The following GSDME variants were observed in gnomAD, a reference collection of about 807,000 sequenced individuals.
GSDME encodes gasdermin E.
GSDME carries 44 observed loss-of-function variants against 47.5 expected under a neutral mutation model. That is an observed-to-expected ratio of 0.93 (90% confidence interval 0.73 to 1.19). The LOEUF (loss-of-function observed/expected upper bound fraction) is 1.19. Ranked by LOEUF, GSDME falls within the 50% of genes most tolerant of loss-of-function variation. The probability of loss-of-function intolerance (pLI) is 0.00; values close to 1 mark genes in which losing one functional copy is unlikely to be tolerated. For synonymous variants in GSDME, 258 were observed against 252.8 expected, an observed-to-expected ratio of 1.02 and a Z score of -0.20; for missense variants, 663 against 604.2, an observed-to-expected ratio of 1.10 and a Z score of -1.02.
intron 1 of GSDME, among the ~76,000 whole-genome samples, chr7:24,755,475 CCCCAAATCACCTACTACATG>C (rs1157763748): frequency 6.6e-6 from 1 of 152,208 alleles, no homozygotes; most frequent in Non-Finnish European, 1.5e-5. Flanking sequence ...AGCCCTCTTT[CCCCAAATCACCTACTACATG>C]CCCAAATCCT....
chr7:24,736,782 C>T lies in GSDME; in HGVS notation c.404+7780G>A, dbSNP rs1009605752. On this transcript the variant is annotated intron_variant, in intron 3 of 9. Coordinates refer to ENST00000645220, the MANE Select transcript of GSDME (RefSeq NM_001127453.2). This position sits in a 1 kb window ranked among gnomAD's most constrained non-coding sequence, Gnocchi z 4.6. Reference sequence around the variant, plus strand: ...TTAGGCCACAAAACAAGTTTCAAAACATCCAAAAAATTGAAATAATATAAA... The same window carrying T: ...TTAGGCCACAAAACAAGTTTCAAAATATCCAAAAAATTGAAATAATATAAA... 1.3e-5 allele frequency among the ~76,000 whole-genome samples: 2 copies of T among 152,078 alleles called. No homozygotes were observed. Among genetic ancestry groups the T allele is most frequent in the African/African-American group, 2.4e-5 (1 of 41,428 alleles).
chr7:24,716,944 G>A lies in GSDME; in HGVS notation c.697+310C>T. The A allele has an allele frequency of 2.4e-6, 1 of 413,884 alleles. No homozygotes were observed. Among genetic ancestry groups the A allele is most frequent in the Non-Finnish European group, 4.6e-6 (1 of 217,778 alleles). The allele number at this position is 413,884 out of a possible 1,614,324, so 25.6% of individuals were successfully genotyped here. The stretch of plus-strand genomic sequence containing the variant: ...TGGCACCGGGGTTGATGCCCAGTGT[G>A]TCTGATGCAGAGCCCAGGTTGATGC... On this transcript the variant is annotated intron_variant, in intron 5 of 9. Transcript: ENST00000645220. The surrounding 1 kb of genome is among the most constrained non-coding windows in gnomAD (Gnocchi z 4.5).
rs953598458 is a variant in GSDME, at chr7:24,707,987, G to C, written c.990+140C>G. On this transcript the variant is annotated intron_variant, in intron 7 of 9. Transcript: ENST00000645220. ...AGCTACCTGTCTGCACTTAGAAAAC[G>C]CAGGACCCAAGAGTCAGAAAAGAGA... 13 of 1,058,846 alleles carry C rather than the reference G, an allele frequency of 1.2e-5. No homozygotes were observed. The African/African-American group carries it at 1.9e-4, about 16-fold the overall frequency. 65.6% of individuals were successfully genotyped at this position (1,058,846 alleles called of 1,614,324 possible). A position where few individuals can be genotyped will look rare whatever the true frequency, so the allele number is the denominator to read the frequency against.
the GSDME span, among the ~76,000 whole-genome samples, chr7:24,785,233 T>G: frequency 6.6e-6 from 1 of 152,214 alleles, no homozygotes; most frequent in Non-Finnish European, 1.5e-5. Context: ...CCATGTGGTC[T>G]GCAGAGCCTA....
rs987119446 is a variant in GSDME at position 24,702,282 on chromosome 7, G to C, written c.1257+478C>G. 40 of 234,390 alleles carry C rather than the reference G, an allele frequency of 1.7e-4. 1 individual carries two copies. Among genetic ancestry groups the C allele is most frequent in the African/African-American group, 8.6e-4 (38 of 44,412 alleles). The allele number at this position is 234,390 out of a possible 1,614,324, so 14.5% of individuals were successfully genotyped here. A position where few individuals can be genotyped will look rare whatever the true frequency, so the allele number is the denominator to read the frequency against. ...GCTCTTAGAATGACATTTCCAGAGG[G>C]GGCACCAAGCTAACGATATTCCTGA... On this transcript the variant is annotated intron_variant, in intron 9 of 9. Coordinates refer to ENST00000645220, the MANE Select transcript of GSDME (RefSeq NM_001127453.2).
upstream of GSDME, among the ~76,000 whole-genome samples, chr7:24,761,470 T>C (rs1791164553): frequency 1.3e-5 from 2 of 152,180 alleles, no homozygotes; most frequent in South Asian, 4.1e-4. The surrounding 1 kb of genome is among the most constrained non-coding windows in gnomAD (Gnocchi z 4.4). Context: ...ACAAAACAAG[T>C]CCCTAAGTCT....
chr7:24,779,899 A>C, the GSDME span, among the ~76,000 whole-genome samples: 1 of 152,150 alleles, frequency 6.6e-6, no homozygotes, highest in Non-Finnish European at 1.5e-5. The surrounding 1 kb of genome is among the most constrained non-coding windows in gnomAD (Gnocchi z 6.0). Context: ...CTGCCAGCAC[A>C]TTTCGCCCTC....
chr7:24,736,975 A>C lies in GSDME; in HGVS notation c.404+7587T>G, dbSNP rs1421354678. 6.6e-6 allele frequency among the ~76,000 whole-genome samples: 1 copy of C among 152,182 alleles called. No individual in the cohort carries two copies. The highest frequency in any genetic ancestry group is 1.5e-5 in the Non-Finnish European group (1 of 68,026). The stretch of plus-strand genomic sequence containing the variant: ...TTTTATTGAAACAAATGATAACAGA[A>C]ACACAACAGCAAAACCTATGGGGTA... On this transcript the variant is annotated intron_variant, in intron 3 of 9. Coordinates refer to ENST00000645220, the MANE Select transcript of GSDME (RefSeq NM_001127453.2). This position sits in a 1 kb window ranked among gnomAD's most constrained non-coding sequence, Gnocchi z 4.6.
At chr7:24,747,690 G>A (rs1790711296) in intron 2 of GSDME, among the ~76,000 whole-genome samples, 1 of 151,644 alleles carries the variant, frequency 6.6e-6, no homozygotes. Flanking sequence ...TCTTATTTTG[G>A]AGACAGGGAC....
At position 24,757,447 on chromosome 7, in the gene GSDME, G is replaced by A. The variant is rs1791072533; in HGVS notation, c.-71C>T. On this transcript the variant is annotated 5_prime_UTR_variant, in exon 1 of 10. Coordinates refer to ENST00000645220, the MANE Select transcript of GSDME (RefSeq NM_001127453.2). This position sits in a 1 kb window ranked among gnomAD's most constrained non-coding sequence, Gnocchi z 5.9. ...CAGCCGCGCCCCCTGCGCTGGCGGA[G>A]TCGGAGGAGCCTGCGCTGGGCCGGC... The A allele has an allele frequency of 6.6e-6, 1 of 151,898 alleles. No individual in the cohort carries two copies. The highest frequency in any genetic ancestry group is 1.5e-5 in the Non-Finnish European group (1 of 67,974). The allele number at this position is 151,898 out of a possible 1,614,324, so 9.4% of individuals were successfully genotyped here.
Position 24,702,864 on chromosome 7 carries a change from C to CA in GSDME, c.1184-32dup, listed in dbSNP as rs754864113. The CA allele has an allele frequency of 9.4e-6, 15 of 1,598,172 alleles. 1 individual carries two copies. Among genetic ancestry groups the CA allele is most frequent in the South Asian group, 6.6e-5 (6 of 90,470 alleles). On this transcript the variant is annotated intron_variant, in intron 8 of 9. Transcript: ENST00000645220. ...GGAGAGAAAAATCACAGTCACAGTC[C>CA]AAAAAAACAAGTCCATGGGAACAGA...
At chr7:24,710,688 T>G (rs1789317854) in intron 5 of GSDME, 1 of 348,068 alleles carries the variant, frequency 2.9e-6, no homozygotes, top group South Asian at 3.6e-5. Flanking sequence ...TATCCTGATT[T>G]GAACAAACTG....
chr7:24,741,882 G>A (rs1790503912), intron 3 of GSDME, among the ~76,000 whole-genome samples: 3 of 151,470 alleles, frequency 2.0e-5, no homozygotes, highest in Admixed American at 2.0e-4. Flanking sequence ...TTCCCTTCCC[G>A]CCCCTGTCCT....
In GSDME at chr7:24,717,254, C is replaced by A; in HGVS notation, c.697G>T (p.Glu233Ter). 1 of 1,614,090 alleles carries A rather than the reference C, an allele frequency of 6.2e-7. No homozygotes were observed. Among genetic ancestry groups the A allele is most frequent in the Non-Finnish European group, 8.5e-7 (1 of 1,180,010 alleles). Reference protein sequence around the residue: ...ELYVKLDGQFEFCLLRGKQGG... With the variant: ...ELYVKLDGQF ...AGCACCCATAGGAGGTGGCACTCACCGAACTGGCCGTCCAGTTTCACGTAT... is the reference window on the plus strand; with the variant it reads ...AGCACCCATAGGAGGTGGCACTCACAGAACTGGCCGTCCAGTTTCACGTAT... The change falls in exon 5 of 10, where the codon GAG becomes TAG. Residue 233 changes from glutamate to a stop codon, truncating the protein, a stop_gained and splice_region_variant. Transcript: ENST00000645220. LOFTEE classifies it high-confidence loss of function.
chr7:24,746,077 A>G (rs1342374451), intron 2 of GSDME, among the ~76,000 whole-genome samples: 1 of 152,072 alleles, frequency 6.6e-6, no homozygotes, highest in Non-Finnish European at 1.5e-5. Flanking sequence ...TACTTCACCT[A>G]CACTTCTTCC....
At chr7:24,703,493 C>T (rs1490921433) in intron 8 of GSDME, 1 of 158,110 alleles carries the variant, frequency 6.3e-6, no homozygotes, top group African/African-American at 2.4e-5. Flanking sequence ...TATTAAACAC[C>T]TCCCAGGGAA....
At chr7:24,718,617 T>C (rs1789657367) in intron 4 of GSDME, among the ~76,000 whole-genome samples, 1 of 152,208 alleles carries the variant, frequency 6.6e-6, no homozygotes, top group Admixed American at 6.5e-5. Context: ...GAAGAGCACC[T>C]GACGCCAGCC....
At chr7:24,772,477 G>T in the GSDME span, among the ~76,000 whole-genome samples, 2 of 152,196 alleles carry the variant, frequency 1.3e-5, no homozygotes, top group Non-Finnish European at 2.9e-5. This position sits in a 1 kb window ranked among gnomAD's most constrained non-coding sequence, Gnocchi z 4.5. Context: ...TTTGCTCACT[G>T]CTGTGTCCTC....
In GSDME at chr7:24,712,675, CCTT is replaced by C. The variant is rs1017720297; in HGVS notation, c.698-2290_698-2288del. Among the ~76,000 whole-genome samples, 4 of 152,270 alleles carry C rather than the reference CCTT, an allele frequency of 2.6e-5. No homozygotes were observed. Among genetic ancestry groups the C allele is most frequent in the Admixed American group, 2.0e-4 (3 of 15,292 alleles). ...GGTGGAGGGGAGGAAAAACATCTTT[CCTT>C]CTGCTCATCCTAGGTTCATGGCTGA... is the stretch of plus-strand genomic sequence containing the variant. On this transcript the variant is annotated intron_variant, in intron 5 of 9. Coordinates refer to ENST00000645220, the MANE Select transcript of GSDME (RefSeq NM_001127453.2). This position sits in a 1 kb window ranked among gnomAD's most constrained non-coding sequence, Gnocchi z 4.4.
Sources: gnomAD v4.1 joint callset for allele counts (sites outside exome capture counted in the v4.1 genomes callset) on GRCh38, gnomAD v4.1.1 for gene constraint, Gnocchi (gnomAD v3.1) non-coding constraint, MANE v1.5 for transcripts, NCBI Gene and HGNC (gene_info 2026-07-23, HGNC 2026-07-21) for gene names.